Variants in GSE1 observed in about 807,000 individuals in gnomAD.
GSE1 encodes Gse1 coiled-coil protein, also known as genetic suppressor element 1.
GSE1 carries 32 observed loss-of-function variants against 112.6 expected under a neutral mutation model. The observed-to-expected ratio is 0.28, with a 90% CI of 0.21 to 0.38. GSE1 has a LOEUF of 0.38. Among genes scored for constraint, GSE1 ranks in the 10% least tolerant of loss-of-function variants. GSE1 has a pLI of 1.00. For missense variants in GSE1, 2,348 were observed against 1,699.2 expected, an observed-to-expected ratio of 1.38 and a Z score of -6.71; for synonymous variants, 1,115 against 735.6, an observed-to-expected ratio of 1.52 and a Z score of -8.35.
chr16:85,176,593 C>T (rs565246284), intron 1 of GSE1, among the ~76,000 whole-genome samples: 5 of 152,384 alleles, frequency 3.3e-5, no homozygotes, highest in South Asian at 2.1e-4. Flanking sequence ...AGCCAGTTGG[C>T]GGGCGGGCCG....
At chr16:85,456,578 C>CT (rs1567501870) in intron 2 of GSE1, among the ~76,000 whole-genome samples, 1 of 67,662 alleles carries the variant, frequency 1.5e-5, no homozygotes, top group African/African-American at 5.9e-5. Flanking sequence ...CATTTTCCTG[C>CT]CGTGTGTGTG....
intron 1 of GSE1, among the ~76,000 whole-genome samples, chr16:85,333,809 G>C (rs1283124753): frequency 7.9e-5 from 12 of 152,068 alleles, no homozygotes; most frequent in Admixed American, 7.9e-4. Flanking sequence ...TCCCTCAGGG[G>C]GCCCCAAGCT....
At chr16:85,670,228 A>G (rs964370097) in intron 14 of GSE1, among the ~76,000 whole-genome samples, 1 of 152,238 alleles carries the variant, frequency 6.6e-6, no homozygotes, top group Non-Finnish European at 1.5e-5. Context: ...ACCTGCAAAT[A>G]CAAGGTTTGG....
intron 1 of GSE1, among the ~76,000 whole-genome samples, chr16:85,291,658 G>C (rs1189858700): frequency 2.0e-5 from 3 of 152,204 alleles, no homozygotes; most frequent in Admixed American, 6.5e-5. Context: ...GCTGCTGACA[G>C]AGCCCAGCTG....
At chr16:85,249,939 G>A (rs1480568581) in intron 1 of GSE1, among the ~76,000 whole-genome samples, 2 of 152,242 alleles carry the variant, frequency 1.3e-5, no homozygotes, top group Non-Finnish European at 2.9e-5. Flanking sequence ...CCAGCTGGGC[G>A]CTTCTCCATG....
At chr16:85,518,881 C>A (rs1018613437) in intron 2 of GSE1, among the ~76,000 whole-genome samples, 7 of 152,142 alleles carry the variant, frequency 4.6e-5, no homozygotes, top group Admixed American at 2.0e-4. Flanking sequence ...AGGCTCACAC[C>A]TGGGCCCCCA....
At chr16:85,201,211 C>T (rs1403327182) in intron 1 of GSE1, among the ~76,000 whole-genome samples, 5 of 152,118 alleles carry the variant, frequency 3.3e-5, no homozygotes, top group Non-Finnish European at 7.4e-5. Context: ...TAGCTGAGGC[C>T]ACAGGCAGGT....
chr16:85,376,492 A>G (rs2047423346), intron 2 of GSE1, among the ~76,000 whole-genome samples: 2 of 152,096 alleles, frequency 1.3e-5, no homozygotes, highest in African/African-American at 4.8e-5. Flanking sequence ...GCACAGAAAG[A>G]GCCTGTGGCC....
chr16:85,446,144 C>A (rs2049505767), intron 2 of GSE1, among the ~76,000 whole-genome samples: 1 of 152,188 alleles, frequency 6.6e-6, no homozygotes, highest in Non-Finnish European at 1.5e-5. Context: ...CCTGGCATCC[C>A]ACCAGGCAGG....
chr16:85,517,551 G>A (rs2051992483), intron 2 of GSE1, among the ~76,000 whole-genome samples: 1 of 152,318 alleles, frequency 6.6e-6, no homozygotes, highest in Admixed American at 6.5e-5. Context: ...CCTGGAGAGA[G>A]TGGAAGTGGC....
chr16:85,508,962 C>T (rs186144096), intron 2 of GSE1, among the ~76,000 whole-genome samples: 5 of 152,216 alleles, frequency 3.3e-5, no homozygotes, highest in South Asian at 2.1e-4. Flanking sequence ...TGGTCACTGG[C>T]GACTGGCTGG....
chr16:85,251,543 A>C (rs1906483983), intron 1 of GSE1, among the ~76,000 whole-genome samples: 1 of 152,222 alleles, frequency 6.6e-6, no homozygotes, highest in Admixed American at 6.5e-5. Context: ...CGCCTGACCC[A>C]GAAACCAGAC....
At chr16:85,354,281 G>A (rs1176976299) in intron 1 of GSE1, among the ~76,000 whole-genome samples, 1 of 152,158 alleles carries the variant, frequency 6.6e-6, no homozygotes, top group Non-Finnish European at 1.5e-5. Flanking sequence ...ACTGCTTCAG[G>A]TCAAACCCGT....
At chr16:85,425,105 C>T (rs1478850904) in intron 2 of GSE1, among the ~76,000 whole-genome samples, 3 of 152,220 alleles carry the variant, frequency 2.0e-5, no homozygotes, top group South Asian at 2.1e-4. Flanking sequence ...CCTCCCTGGG[C>T]GCCCTGGGGC....
intron 1 of GSE1, among the ~76,000 whole-genome samples, chr16:85,304,721 C>A (rs2045628159): frequency 6.6e-6 from 1 of 151,724 alleles, no homozygotes; most frequent in African/African-American, 2.4e-5. Flanking sequence ...ATAAATAACA[C>A]CTGCAGAAGA....
At chr16:85,224,971 T>C (rs986860169) in intron 1 of GSE1, among the ~76,000 whole-genome samples, 1 of 151,120 alleles carries the variant, frequency 6.6e-6, no homozygotes, top group African/African-American at 2.4e-5. Context: ...GTAGTAAAAA[T>C]ACAAAACAAA....
At chr16:85,465,992 C>T (rs147297572) in intron 2 of GSE1, among the ~76,000 whole-genome samples, 1 of 152,206 alleles carries the variant, frequency 6.6e-6, no homozygotes, top group African/African-American at 2.4e-5. Flanking sequence ...AAATTGTTTC[C>T]AAGTCCTGTG....
chr16:85,642,274 G>C (rs2050506966), intron 2 of GSE1, among the ~76,000 whole-genome samples: 1 of 152,246 alleles, frequency 6.6e-6, no homozygotes, highest in Non-Finnish European at 1.5e-5. Context: ...TCACACTGCT[G>C]CACTCCAGCC....
At chr16:85,382,001 GTCAGCCAAGCTGGCTC>G (rs1422781810) in intron 2 of GSE1, among the ~76,000 whole-genome samples, 1 of 152,246 alleles carries the variant, frequency 6.6e-6, no homozygotes, top group East Asian at 1.9e-4. Context: ...CGTGCAGGCT[GTCAGCCAAGCTGGCTC>G]TCAGGTCTCC....
Sources: gnomAD v4.1 joint callset for allele counts (sites outside exome capture counted in the v4.1 genomes callset) on GRCh38, gnomAD v4.1.1 for gene constraint, MANE v1.5 for transcripts, NCBI Gene and HGNC (gene_info 2026-07-23, HGNC 2026-07-21) for gene names.